MARCO: variants seen among roughly 807,000 people sequenced by gnomAD.
MARCO encodes macrophage receptor with collagenous structure.
In MARCO, 72 loss-of-function variants were observed where a neutral mutation model predicts 70.0. That is an observed-to-expected ratio of 1.03 (90% CI 0.85 to 1.25). The LOEUF is 1.25. MARCO is among the 50% of genes most tolerant of loss of function. MARCO has a pLI of 0.00. For missense variants in MARCO, 696 were observed against 659.3 expected (o/e 1.06, Z -0.61); for synonymous variants, 273 against 243.1 (o/e 1.12, Z -1.14).
At chr2:118,953,516 A>G (rs981073490) in intron 1 of MARCO, among the ~76,000 whole-genome samples, 1 of 152,174 alleles carries the variant, frequency 6.6e-6, no homozygotes, top group Non-Finnish European at 1.5e-5. Context: ...ATGTGAATTT[A>G]TTTATTCATT....
chr2:118,980,664 C>A (rs1680372102), intron 8 of MARCO, among the ~76,000 whole-genome samples: 1 of 152,170 alleles, frequency 6.6e-6, no homozygotes, highest in Non-Finnish European at 1.5e-5. Flanking sequence ...CTCTACCCAC[C>A]CCCAGGGGAG....
chr2:118,970,219 C>T lies in MARCO; in HGVS notation c.305C>T (p.Pro102Leu), dbSNP rs1680137272. ...TTCTCCTTGCTGCAGTCAGCACACC[C>T]TGGAGAACACCTGGCTCAGGGTGCA... ...PSFSLLQSAH[P>L]GEHLAQGASR... The change falls in exon 3 of 17, where the codon CCT becomes CTT. Residue 102 changes from proline (P) to leucine (L), a missense_variant. Physicochemically the swap from Pro to Leu is moderately conservative, Grantham distance 98. Transcript: ENST00000327097. 1 of 1,613,992 alleles carries T rather than the reference C, an allele frequency of 6.2e-7. No individual in the cohort carries two copies. The highest frequency in any genetic ancestry group is 1.3e-5 in the African/African-American group (1 of 74,920).
chr2:118,984,391 C>A (rs1680448348), intron 12 of MARCO, among the ~76,000 whole-genome samples: 1 of 152,226 alleles, frequency 6.6e-6, no homozygotes, highest in Non-Finnish European at 1.5e-5. Flanking sequence ...CCTTTTATAT[C>A]TGCTGAATAC....
intron 11 of MARCO, 32 bp downstream of exon 11, chr2:118,982,286 G>C (rs775954868): frequency 8.1e-6 from 13 of 1,611,648 alleles, no homozygotes; most frequent in Non-Finnish European, 1.1e-5. Context: ...TGGGCACAGG[G>C]AGTGATGTGT....
intron 4 of MARCO, 112 bp downstream of exon 4, chr2:118,971,646 CCT>C (rs1680174261): frequency 2.0e-6 from 2 of 996,370 alleles, no homozygotes; most frequent in Non-Finnish European, 3.1e-6. Context: ...CTTACCTTCC[CCT>C]GTCTCCACAG....
rs370189543 is a variant in MARCO at position 118,955,814 on chromosome 2, A to C, written c.98-13346A>C. Among the ~76,000 whole-genome samples, 6 of 152,312 alleles carry C rather than the reference A, an allele frequency of 3.9e-5. No homozygotes were observed. In the East Asian group the frequency reaches 9.6e-4, roughly 24 times the overall value. On this transcript the variant is annotated intron_variant, in intron 1 of 16. Coordinates refer to ENST00000327097, the MANE Select transcript of MARCO (RefSeq NM_006770.4). ...GCCCTATCTTCTGCCTCCTCAAGCAAAACAATTATCAGCCAAGAATTTTGT... is the reference window on the plus strand; with the variant it reads ...GCCCTATCTTCTGCCTCCTCAAGCACAACAATTATCAGCCAAGAATTTTGT...
Position 118,990,569 on chromosome 2 carries a change from C to CGGGGGGGGGGGGGGGTGG in MARCO, c.1064-20_1064-19insGGGGGGGGGGGGGGGTGG. 1 of 1,415,986 alleles carries CGGGGGGGGGGGGGGGTGG rather than the reference C, an allele frequency of 7.1e-7. No individual in the cohort carries two copies. The highest frequency in any genetic ancestry group is 9.7e-7 in the Non-Finnish European group (1 of 1,028,340). 87.7% of individuals were successfully genotyped at this position (1,415,986 alleles called of 1,614,324 possible). On this transcript the variant is annotated intron_variant, in intron 12 of 16. Coordinates refer to ENST00000327097, the MANE Select transcript of MARCO (RefSeq NM_006770.4). ...AGTTTTATTATCTCCTCCCCCCCCC[C>CGGGGGGGGGGGGGGGTGG]TTTTTTGTTTTGATCTTAGGACTTC...
chr2:118,965,374 A>G (rs1239306708), intron 1 of MARCO, among the ~76,000 whole-genome samples: 1 of 151,910 alleles, frequency 6.6e-6, no homozygotes, highest in Non-Finnish European at 1.5e-5. Flanking sequence ...TTTCATTGGT[A>G]TTTTTTTAGT....
rs1202758741 is a variant in MARCO at position 118,982,375 on chromosome 2, G to A, written c.1028G>A (p.Gly343Glu). The A allele has an allele frequency of 4.3e-6, 7 of 1,613,936 alleles. No homozygotes were observed. Among genetic ancestry groups the A allele is most frequent in the African/African-American group, 4.0e-5 (3 of 74,892 alleles). The change falls in exon 12 of 17, where the codon GGA (glycine) becomes GAA (glutamate). Residue 343 changes from glycine to glutamate, a missense_variant. Around this residue, in one of 3 missense-constraint regions of MARCO, gnomAD observed 605 missense variants for 537.6 expected, o/e 1.13. Coordinates refer to ENST00000327097, the MANE Select transcript of MARCO (RefSeq NM_006770.4). ...CTTCCAGGGAGCCCCGGGAGTCCAG[G>A]AGCCACAGGCCTGAAAGGAAGCAAA... is the stretch of plus-strand genomic sequence containing the variant. ...AGLPGSPGSP[G>E]ATGLKGSKGD...
chr2:118,946,728 A>G (rs1679608504), intron 1 of MARCO, among the ~76,000 whole-genome samples: 2 of 152,224 alleles, frequency 1.3e-5, no homozygotes, highest in Admixed American at 6.5e-5. Flanking sequence ...TGGTTTTACA[A>G]GAAGTAGTCG....
In MARCO at chr2:118,994,388, C is replaced by G; in HGVS notation, c.1431C>G (p.Gly477=). The G allele has an allele frequency of 6.2e-6, 10 of 1,614,156 alleles. No individual in the cohort carries two copies. The East Asian group carries it at 2.2e-4, about 36-fold the overall frequency. Residue 477 remains glycine (G), a splice_region_variant and synonymous_variant, in exon 17 of 17, where the codon GGC becomes GGG. Transcript: ENST00000327097. ...GTCTCTTGCTTTCTCTCTATCAAGGCACTGGGCAGATCTGGCTGGATAATG... is the reference window on the plus strand; with the variant it reads ...GTCTCTTGCTTTCTCTCTATCAAGGGACTGGGCAGATCTGGCTGGATAATG... The part of the protein sequence containing the change: ...KGRALYKVGA[G]TGQIWLDNVQ...
intron 12 of MARCO, among the ~76,000 whole-genome samples, chr2:118,983,886 T>C (rs911265815): frequency 6.6e-6 from 1 of 152,092 alleles, no homozygotes; most frequent in Non-Finnish European, 1.5e-5. Flanking sequence ...CACAGGAGCA[T>C]TGTGCTTACT....
chr2:118,974,850 T>C (rs1341691716), intron 6 of MARCO, among the ~76,000 whole-genome samples: 3 of 152,118 alleles, frequency 2.0e-5, no homozygotes, highest in African/African-American at 7.2e-5. Flanking sequence ...TGTGTGAGAA[T>C]GTAAGTCTGC....
intron 1 of MARCO, among the ~76,000 whole-genome samples, chr2:118,967,754 T>A (rs141835142): frequency 5.3e-4 from 81 of 152,186 alleles, no homozygotes; most frequent in African/African-American, 1.9e-3. Context: ...GAGCTGCAGG[T>A]GATAGGAAAA....
chr2:118,951,828 T>A (rs549562928), intron 1 of MARCO, among the ~76,000 whole-genome samples: 3 of 152,250 alleles, frequency 2.0e-5, no homozygotes, highest in South Asian at 2.1e-4. Context: ...TCTCTCTCTT[T>A]TACTACCTCT....
At chr2:118,970,914 C>T (rs1680155557) in intron 3 of MARCO, among the ~76,000 whole-genome samples, 1 of 152,218 alleles carries the variant, frequency 6.6e-6, no homozygotes, top group African/African-American at 2.4e-5. Context: ...AGAGCTCCAG[C>T]CCCAGCAGGG....
Position 118,946,446 on chromosome 2 carries a change from A to AC in MARCO, c.97+4049_97+4050insC, listed in dbSNP as rs531284085. On this transcript the variant is annotated intron_variant, in intron 1 of 16. Coordinates refer to ENST00000327097, the MANE Select transcript of MARCO (RefSeq NM_006770.4). The stretch of plus-strand genomic sequence containing the variant: ...ACAGTATGTGACTTCTTTAAGATTG[A>AC]TTTTTTTTTCACATAGTGTAATTCC... 7.0e-3 allele frequency among the ~76,000 whole-genome samples: 1,066 copies of AC among 151,418 alleles called. 10 individuals are homozygous for AC. Among genetic ancestry groups the AC allele is most frequent in the South Asian group, 0.021 (102 of 4,762 alleles).
At chr2:118,953,226 G>C (rs970661919) in intron 1 of MARCO, among the ~76,000 whole-genome samples, 1 of 152,190 alleles carries the variant, frequency 6.6e-6, no homozygotes, top group Non-Finnish European at 1.5e-5. Context: ...GAGCTGGAAC[G>C]GGCCTGTGAG....
chr2:118,963,536 T>A (rs765621722), intron 1 of MARCO, among the ~76,000 whole-genome samples: 14 of 152,116 alleles, frequency 9.2e-5, no homozygotes, highest in Admixed American at 2.6e-4. Context: ...GTATGTTCCA[T>A]GTGTCCTTGA....
Sources: allele counts gnomAD v4.1 joint callset (sites outside exome capture counted in the v4.1 genomes callset), GRCh38; gene constraint gnomAD v4.1.1; regional missense constraint gnomAD v4.1.1; transcripts MANE v1.5; gene names NCBI Gene and HGNC (gene_info 2026-07-23, HGNC 2026-07-21).